COMMD10: variants seen among roughly 807,000 people sequenced by gnomAD.
COMMD10 encodes COMM domain containing 10.
In COMMD10, 33 loss-of-function variants were observed where a neutral mutation model predicts 28.9. The ratio of observed to expected loss-of-function variants is 1.14; its 90% CI spans 0.87 to 1.53. The LOEUF (loss-of-function observed/expected upper bound fraction) is 1.53. Ranked by LOEUF, COMMD10 falls within the 40% of genes most tolerant of loss-of-function variation. The pLI is 0.00. For missense variants in COMMD10, 310 were observed against 233.4 expected, an observed-to-expected ratio of 1.33 and a Z score of -2.14; for synonymous variants, 110 against 81.7, an observed-to-expected ratio of 1.35 and a Z score of -1.87.
At chr5:116,201,279 T>C (rs1561664480) in intron 5 of COMMD10, among the ~76,000 whole-genome samples, 1 of 152,290 alleles carries the variant, frequency 6.6e-6, no homozygotes, top group East Asian at 1.9e-4. Flanking sequence ...TCCTTTCCTT[T>C]GCTGGAAGCA....
rs149307375 is a variant in COMMD10 at position 116,184,172 on chromosome 5, A to T, written c.510+49994A>T. ...TAGATGTATTTATTACCATAATAAC[A>T]CGTAGAAAAAGGACAGACATTTCTA... On this transcript the variant is annotated intron_variant, in intron 5 of 6. Coordinates refer to ENST00000274458, the MANE Select transcript of COMMD10 (RefSeq NM_016144.4). 4.7e-4 allele frequency among the ~76,000 whole-genome samples: 71 copies of T among 151,730 alleles called. 1 individual carries two copies. The East Asian group carries it at 0.013, about 27-fold the overall frequency.
At chr5:116,237,617 C>T (rs1749703503) in intron 5 of COMMD10, among the ~76,000 whole-genome samples, 1 of 152,022 alleles carries the variant, frequency 6.6e-6, no homozygotes, top group Non-Finnish European at 1.5e-5. Flanking sequence ...TGAGGCTAGC[C>T]TGGGCAACGT....
chr5:116,115,342 C>T (rs1273634855), intron 4 of COMMD10, among the ~76,000 whole-genome samples: 1 of 152,162 alleles, frequency 6.6e-6, no homozygotes, highest in African/African-American at 2.4e-5. Context: ...TTTTGGTTGC[C>T]AGCCTGCCCT....
At chr5:116,089,926 A>T (rs932329120) in intron 2 of COMMD10, among the ~76,000 whole-genome samples, 1 of 152,150 alleles carries the variant, frequency 6.6e-6, no homozygotes, top group Non-Finnish European at 1.5e-5. Context: ...GGATCTGCCT[A>T]CTTTCATTTA....
At chr5:116,133,180 G>T (rs185526422) in intron 4 of COMMD10, among the ~76,000 whole-genome samples, 45 of 152,192 alleles carry the variant, frequency 3.0e-4, no homozygotes, top group East Asian at 3.9e-4. Flanking sequence ...TATGACAATT[G>T]CATTTCACAA....
chr5:116,211,058 AT>A (rs1169878941), intron 5 of COMMD10, among the ~76,000 whole-genome samples: 1 of 152,212 alleles, frequency 6.6e-6, no homozygotes, highest in East Asian at 1.9e-4. Flanking sequence ...ATATTGCTAA[AT>A]TTTGGAAAAA....
At chr5:116,098,853 G>A (rs72804815) in intron 4 of COMMD10, among the ~76,000 whole-genome samples, 8,144 of 152,066 alleles carry the variant, frequency 0.054, 303 homozygotes, top group East Asian at 0.15. Context: ...AAAATTATGC[G>A]TATTCAGGGT....
intron 5 of COMMD10, among the ~76,000 whole-genome samples, chr5:116,208,454 G>A (rs1391930674): frequency 6.6e-6 from 1 of 152,088 alleles, no homozygotes; most frequent in Non-Finnish European, 1.5e-5. Flanking sequence ...GTGCAGTAAT[G>A]AACAGTTATT....
intron 5 of COMMD10, among the ~76,000 whole-genome samples, chr5:116,205,078 G>A (rs867477634): frequency 4.6e-5 from 7 of 152,130 alleles, no homozygotes; most frequent in Middle Eastern, 3.4e-3. Context: ...TTATTTTATT[G>A]CTTTAAACAT....
intron 5 of COMMD10, among the ~76,000 whole-genome samples, chr5:116,142,564 C>G (rs115017573): frequency 4.6e-5 from 7 of 151,610 alleles, no homozygotes; most frequent in South Asian, 2.1e-4. Context: ...GAAACGCAAA[C>G]GTTGCATTCA....
intron 4 of COMMD10, among the ~76,000 whole-genome samples, chr5:116,125,987 T>A (rs1751618203): frequency 6.6e-6 from 1 of 152,148 alleles, no homozygotes; most frequent in Non-Finnish European, 1.5e-5. Context: ...GAAGTCAAAT[T>A]TTCCCTGTTT....
At chr5:116,202,641 G>A (rs1748699848) in intron 5 of COMMD10, among the ~76,000 whole-genome samples, 1 of 151,974 alleles carries the variant, frequency 6.6e-6, no homozygotes, top group Non-Finnish European at 1.5e-5. Context: ...GGCCAGTGAT[G>A]ATGAGCATTT....
At chr5:116,267,700 A>G (rs1044540637) in intron 5 of COMMD10, among the ~76,000 whole-genome samples, 2 of 151,956 alleles carry the variant, frequency 1.3e-5, no homozygotes, top group Non-Finnish European at 2.9e-5. Context: ...TTCAGACTAT[A>G]CTACAAGGCT....
Position 116,175,838 on chromosome 5 carries a change from G to A in COMMD10, c.510+41660G>A, listed in dbSNP as rs146839356. On this transcript the variant is annotated intron_variant, in intron 5 of 6. Coordinates refer to ENST00000274458, the MANE Select transcript of COMMD10 (RefSeq NM_016144.4). ...TAGAGCGGTCAAATTCATAGAGACA[G>A]AAAGTAGAATGGTAGTTGCTAGAGG... Among the ~76,000 whole-genome samples the A allele has an allele frequency of 3.3e-5, 5 of 152,220 alleles. No individual in the cohort carries two copies. In the East Asian group the frequency reaches 9.7e-4, roughly 29 times the overall value.
chr5:116,103,036 A>G (rs188601142), intron 4 of COMMD10, among the ~76,000 whole-genome samples: 1 of 152,150 alleles, frequency 6.6e-6, no homozygotes, highest in Admixed American at 6.5e-5. Context: ...CATGGTGTAT[A>G]TGTGCCACAT....
chr5:116,124,104 C>T (rs939372484), intron 4 of COMMD10, among the ~76,000 whole-genome samples: 4 of 152,072 alleles, frequency 2.6e-5, no homozygotes, highest in African/African-American at 9.7e-5. Context: ...TTCTTGCCTT[C>T]TGCTAGCTTT....
intron 5 of COMMD10, among the ~76,000 whole-genome samples, chr5:116,221,051 T>C (rs933082738): frequency 6.6e-6 from 1 of 151,504 alleles, no homozygotes; most frequent in Non-Finnish European, 1.5e-5. Context: ...TTGAACATTA[T>C]GAAACATTAA....
intron 5 of COMMD10, among the ~76,000 whole-genome samples, chr5:116,228,883 G>A (rs2112652136): frequency 6.6e-6 from 1 of 151,960 alleles, no homozygotes; most frequent in East Asian, 1.9e-4. Context: ...AATAAGCATT[G>A]AGACATATTC....
At chr5:116,209,604 C>CT (rs1434819812) in intron 5 of COMMD10, among the ~76,000 whole-genome samples, 1 of 152,034 alleles carries the variant, frequency 6.6e-6, no homozygotes, top group Non-Finnish European at 1.5e-5. Context: ...ATGCTTCTGC[C>CT]TAGTTAAATG....
Sources: allele counts gnomAD v4.1 joint callset (sites outside exome capture counted in the v4.1 genomes callset), GRCh38; gene constraint gnomAD v4.1.1; transcripts MANE v1.5; gene names NCBI Gene and HGNC (gene_info 2026-07-23, HGNC 2026-07-21).